Variants in TUBGCP3 observed in about 807,000 individuals in gnomAD.
TUBGCP3 encodes gamma-tubulin complex component 3.
In TUBGCP3, 50 loss-of-function variants were observed where a neutral mutation model predicts 123.1. The ratio of observed to expected loss-of-function variants is 0.41; its 90% CI spans 0.32 to 0.51. The LOEUF (loss-of-function observed/expected upper bound fraction) is 0.51. Ranked by LOEUF, TUBGCP3 falls within the 20% of genes least tolerant of loss-of-function variation. The probability of loss-of-function intolerance (pLI) is 0.36; values close to 1 mark genes in which losing one functional copy is unlikely to be tolerated. For synonymous variants in TUBGCP3, 405 were observed against 413.9 expected (o/e 0.98, Z 0.26); for missense variants, 882 against 1,127.0 (o/e 0.78, Z 3.11).
At chr13:112,544,374 A>G (rs1203720610) in intron 11 of TUBGCP3, among the ~76,000 whole-genome samples, 1 of 150,754 alleles carries the variant, frequency 6.6e-6, no homozygotes, top group Non-Finnish European at 1.5e-5. Context: ...AATGGCGTGA[A>G]CATGGGAGGC....
chr13:112,499,958 G>C (rs772228865), intron 19 of TUBGCP3, among the ~76,000 whole-genome samples: 8 of 152,108 alleles, frequency 5.3e-5, no homozygotes, highest in Non-Finnish European at 1.0e-4. Flanking sequence ...CAAGGCCATA[G>C]AGCAAATACA....
chr13:112,489,743 A>C (rs1173510469), intron 20 of TUBGCP3, 46 bp from the exon 21 acceptor site: 2 of 1,509,728 alleles, frequency 1.3e-6, no homozygotes, highest in African/African-American at 2.7e-5. Context: ...ACGATGGAAA[A>C]CAGATTACAG....
At chr13:112,580,441 G>A (rs1464940739) in intron 1 of TUBGCP3, among the ~76,000 whole-genome samples, 3 of 151,778 alleles carry the variant, frequency 2.0e-5, no homozygotes, top group Non-Finnish European at 4.4e-5. Flanking sequence ...CGACCAGCCT[G>A]GACAATACAG....
At chr13:112,555,895 G>A (rs1002070246) in intron 6 of TUBGCP3, among the ~76,000 whole-genome samples, 157 bp downstream of exon 6, 2 of 152,160 alleles carry the variant, frequency 1.3e-5, no homozygotes, top group African/African-American at 2.4e-5. Flanking sequence ...ACTCCCCAAG[G>A]CGCCGCAGAC....
chr13:112,598,817 G>A, the TUBGCP3 span, among the ~76,000 whole-genome samples: 30 of 152,046 alleles, frequency 2.0e-4, no homozygotes, highest in African/African-American at 7.0e-4. Flanking sequence ...CGTGGCGCAC[G>A]CCTGTATAGT....
chr13:112,544,223 G>GT (rs1878773713), intron 11 of TUBGCP3, among the ~76,000 whole-genome samples: 1 of 151,994 alleles, frequency 6.6e-6, no homozygotes. Flanking sequence ...GGAGGCCAAG[G>GT]CGGGCAGATC....
chr13:112,547,694 C>T lies in TUBGCP3; in HGVS notation c.1094G>A (p.Arg365Gln), dbSNP rs770524110. 1.1e-5 allele frequency: 18 copies of T among 1,578,054 alleles called. No homozygotes were observed. Among genetic ancestry groups the T allele is most frequent in the East Asian group, 4.5e-5 (2 of 43,996 alleles). Residue 365 changes from arginine (R) to glutamine (Q), a missense_variant, in exon 10 of 22, where the codon CGG becomes CAG. By Grantham distance (43) the Arg-to-Gln change is conservative. This residue lies in a region of TUBGCP3 where 713 missense variants were observed against 874.0 expected (regional missense o/e 0.82). Transcript: ENST00000261965. Reference protein sequence around the residue: ...NLGLESSLTLRRLLVWTYDPK... With the variant: ...NLGLESSLTLQRLLVWTYDPK... ...ATCATAGGTCCAAACCAGGAGGCGC[C>T]GAAGTGTTAAACTACTCTCAAGTCC...
intron 14 of TUBGCP3, among the ~76,000 whole-genome samples, chr13:112,520,755 T>C (rs1014548638): frequency 2.0e-5 from 3 of 152,114 alleles, no homozygotes; most frequent in African/African-American, 4.8e-5. Context: ...CACTACACTT[T>C]CAGCAAGCAT....
At chr13:112,557,126 GT>G (rs1880113050) in intron 5 of TUBGCP3, among the ~76,000 whole-genome samples, 3 of 152,226 alleles carry the variant, frequency 2.0e-5, no homozygotes, top group Admixed American at 6.5e-5. Context: ...TCTGGGCATA[GT>G]TCTAAATTTA....
chr13:112,565,168 T>G lies in TUBGCP3; in HGVS notation c.195A>C (p.Gln65His). The change falls in exon 3 of 22, where the codon CAA becomes CAC. Residue 65 changes from glutamine to histidine, a missense_variant. Coordinates refer to ENST00000261965, the MANE Select transcript of TUBGCP3 (RefSeq NM_006322.6). ...ATAATGCAGCATCTGCTTCTCTTCG[T>G]TGTCGAATAACTGAAAAGACAGAAA... ...AEKIKKELIR[Q>H]RREADAALFS... 1 of 1,613,184 alleles carries G rather than the reference T, an allele frequency of 6.2e-7. No individual in the cohort carries two copies. The highest frequency in any genetic ancestry group is 1.3e-5 in the African/African-American group (1 of 75,060).
chr13:112,516,644 C>A, intron 16 of TUBGCP3, 69 bp from the exon 17 acceptor site: 1 of 1,471,360 alleles, frequency 6.8e-7, no homozygotes, highest in East Asian at 2.5e-5. Context: ...AGGTCTCAAT[C>A]TTTTTTTAAA....
In TUBGCP3 at chr13:112,485,105, T is replaced by TC; in HGVS notation, c.*887dup. 1 of 151,354 alleles carries TC rather than the reference T, an allele frequency of 6.6e-6. No homozygotes were observed. The allele number at this position is 151,354 out of a possible 1,614,324, so 9.4% of individuals were successfully genotyped here. A position where few individuals can be genotyped will look rare whatever the true frequency, so the allele number is the denominator to read the frequency against. The stretch of plus-strand genomic sequence containing the variant: ...ATAATGACATTTTTACAAAAAACAA[T>TC]CCCCCCCACCCCAACATCTTGGTCA... On this transcript the variant is annotated 3_prime_UTR_variant, in exon 22 of 22. Transcript: ENST00000261965.
intron 17 of TUBGCP3, 45 bp from the exon 18 acceptor site, chr13:112,504,759 T>C: frequency 1.3e-6 from 2 of 1,485,514 alleles, no homozygotes; most frequent in South Asian, 1.2e-5. Flanking sequence ...CAAGTACACT[T>C]ACCGACAACG....
At chr13:112,596,503 C>A in the TUBGCP3 span, among the ~76,000 whole-genome samples, 1 of 152,132 alleles carries the variant, frequency 6.6e-6, no homozygotes, top group Non-Finnish European at 1.5e-5. Context: ...GATGTTATTT[C>A]TCTCTGGCTG....
intron 10 of TUBGCP3, 44 bp downstream of exon 10, chr13:112,547,569 TGGGAAAG>T: frequency 7.1e-7 from 1 of 1,412,362 alleles, no homozygotes; most frequent in Non-Finnish European, 9.3e-7. Flanking sequence ...AAGTCGCGCG[TGGGAAAG>T]TCGCGCGTGG....
chr13:112,501,391 G>A (rs897305353), intron 19 of TUBGCP3, among the ~76,000 whole-genome samples: 1 of 152,224 alleles, frequency 6.6e-6, no homozygotes, highest in South Asian at 2.1e-4. Flanking sequence ...TTCAAGCTCA[G>A]GCTGCCAGGC....
rs147810677 is a variant in TUBGCP3 at position 112,485,679 on chromosome 13, C to G, written c.*314G>C. ...AAAAGAAATGGATTTTTTAAAGTGA[C>G]AAATATAAATTATAACATAGAAAGC... On this transcript the variant is annotated 3_prime_UTR_variant, in exon 22 of 22. Coordinates refer to ENST00000261965, the MANE Select transcript of TUBGCP3 (RefSeq NM_006322.6). The G allele has an allele frequency of 1.7e-3, 489 of 287,952 alleles. No homozygotes were observed. The highest frequency in any genetic ancestry group is 9.8e-3 in the African/African-American group (454 of 46,362). 17.8% of individuals were successfully genotyped at this position (287,952 alleles called of 1,614,324 possible). A position where few individuals can be genotyped will look rare whatever the true frequency, so the allele number is the denominator to read the frequency against.
intron 17 of TUBGCP3, 113 bp downstream of exon 17, chr13:112,516,327 A>G (rs907942177): frequency 8.7e-7 from 1 of 1,147,462 alleles, no homozygotes; most frequent in Non-Finnish European, 1.1e-6. Flanking sequence ...AAAAATATAT[A>G]GCTGTCACCG....
upstream of TUBGCP3, among the ~76,000 whole-genome samples, chr13:112,588,398 G>A (rs1882785129): frequency 6.6e-6 from 1 of 152,252 alleles, no homozygotes; most frequent in Non-Finnish European, 1.5e-5. Context: ...ATAATTTGGT[G>A]TGTGGGTGTG....
Sources: gnomAD v4.1 joint callset for allele counts (sites outside exome capture counted in the v4.1 genomes callset) on GRCh38, gnomAD v4.1.1 for gene constraint, gnomAD v4.1.1 regional missense constraint, MANE v1.5 for transcripts, NCBI Gene and HGNC (gene_info 2026-07-23, HGNC 2026-07-21) for gene names.